The following PGLYRP1 variants were observed in gnomAD, a reference collection of about 807,000 sequenced individuals.
PGLYRP1 encodes peptidoglycan recognition protein 1.
A neutral mutation model predicts 16.3 loss-of-function variants in PGLYRP1; 18 were observed. The observed-to-expected ratio is 1.11, with a 90% CI of 0.77 to 1.64. PGLYRP1 has a LOEUF of 1.64. Ranked by LOEUF, PGLYRP1 falls within the 40% of genes most tolerant of loss-of-function variation. The pLI is 0.00. For synonymous variants in PGLYRP1, 89 were observed against 105.7 expected (o/e 0.84, Z 0.97); for missense variants, 261 against 268.6 (o/e 0.97, Z 0.20).
Position 46,019,300 on chromosome 19 carries a change from G to C in PGLYRP1, c.529C>G (p.Leu177Val). The C allele has an allele frequency of 6.2e-7, 1 of 1,613,948 alleles. No individual in the cohort carries two copies. The highest frequency in any genetic ancestry group is 8.5e-7 in the Non-Finnish European group (1 of 1,179,936). Residue 177 changes from leucine to valine, a missense_variant, in exon 3 of 3, where the codon CTC (leucine) becomes GTC (valine). Transcript: ENST00000008938. This position sits in a 1 kb window ranked among gnomAD's most constrained non-coding sequence, Gnocchi z 4.8. ...LKGHRDVQRT[L>V]SPGNQLYHLI... Reference sequence around the variant, plus strand: ...TGGTAGAGCTGGTTGCCTGGAGAGAGTGTACGCTGCACATCCCGGTGTCCT... The same window carrying C: ...TGGTAGAGCTGGTTGCCTGGAGAGACTGTACGCTGCACATCCCGGTGTCCT...
rs747569225 is a variant in PGLYRP1, at chr19:46,022,816, G to A, written c.206C>T (p.Thr69Ile). The A allele has an allele frequency of 7.4e-6, 12 of 1,613,902 alleles. No individual in the cohort carries two copies. Among genetic ancestry groups the A allele is most frequent in the Non-Finnish European group, 1.0e-5 (12 of 1,179,964 alleles). ...VSHTAGSSCN[T>I]PASCQQQARN... ...GGCCTGCTGCTGGCACGAGGCGGGG[G>A]TGTTGCAGCTGCTGCCCGCCGTGTG... Residue 69 changes from threonine (T) to isoleucine (I), a missense_variant, in exon 1 of 3, where the codon ACC becomes ATC. Coordinates refer to ENST00000008938, the MANE Select transcript of PGLYRP1 (RefSeq NM_005091.3).
At position 46,022,826 on chromosome 19, in the gene PGLYRP1, T is replaced by C; in HGVS notation, c.196A>G (p.Ser66Gly). 6.2e-7 allele frequency: 1 copy of C among 1,613,840 alleles called. No individual in the cohort carries two copies. Among genetic ancestry groups the C allele is most frequent in the Non-Finnish European group, 8.5e-7 (1 of 1,179,892 alleles). Residue 66 changes from serine to glycine, a missense_variant, in exon 1 of 3, where the codon AGC (serine) becomes GGC (glycine). By Grantham distance (56) the Ser-to-Gly change is moderately conservative. Transcript: ENST00000008938. ...TGGCACGAGGCGGGGGTGTTGCAGCTGCTGCCCGCCGTGTGCGATACCACC... is the reference window on the plus strand; with the variant it reads ...TGGCACGAGGCGGGGGTGTTGCAGCCGCTGCCCGCCGTGTGCGATACCACC... Reference protein sequence around the residue: ...YVVVSHTAGSSCNTPASCQQQ... With the variant: ...YVVVSHTAGSGCNTPASCQQQ...
rs1373952957 is a variant in PGLYRP1 at position 46,022,720 on chromosome 19, C to G, written c.287+15G>C. 17 of 1,613,642 alleles carry G rather than the reference C, an allele frequency of 1.1e-5. No homozygotes were observed. The Middle Eastern group carries it at 6.6e-4, about 62-fold the overall frequency. On this transcript the variant is annotated intron_variant, in intron 1 of 2. Coordinates refer to ENST00000008938, the MANE Select transcript of PGLYRP1 (RefSeq NM_005091.3). ...GGGATCCCCAGTCCAGCCCGTGCCC[C>G]CCTGCCACACTCACTTGTAGCCCAC...
chr19:46,022,522 TC>T (rs1381618343), intron 1 of PGLYRP1, among the ~76,000 whole-genome samples: 7 of 152,198 alleles, frequency 4.6e-5, no homozygotes, highest in Admixed American at 1.3e-4. Context: ...TTTCAGCCCA[TC>T]CCCCCTTCTC....
intron 1 of PGLYRP1, among the ~76,000 whole-genome samples, chr19:46,021,774 GCCCT>G (rs1969046927): frequency 6.6e-6 from 1 of 152,140 alleles, no homozygotes; most frequent in African/African-American, 2.4e-5. Flanking sequence ...GGTCCACAAA[GCCCT>G]GCCTGGTCCT....
Position 46,022,789 on chromosome 19 carries a change from C to T in PGLYRP1, c.233G>A (p.Arg78Gln), listed in dbSNP as rs1364126467. The change falls in exon 1 of 3, where the codon CGG becomes CAG. Residue 78 changes from arginine to glutamine, a missense_variant. Coordinates refer to ENST00000008938, the MANE Select transcript of PGLYRP1 (RefSeq NM_005091.3). ...NTPASCQQQA[R>Q]NVQHYHMKTL... Reference sequence around the variant, plus strand: ...CTTCATGTGGTAGTGCTGCACATTCCGGGCCTGCTGCTGGCACGAGGCGGG... The same window carrying T: ...CTTCATGTGGTAGTGCTGCACATTCTGGGCCTGCTGCTGGCACGAGGCGGG... 2.4e-5 allele frequency: 38 copies of T among 1,614,074 alleles called. No homozygotes were observed. The East Asian group carries it at 6.5e-4, about 27-fold the overall frequency.
chr19:46,022,921 A>G lies in PGLYRP1; in HGVS notation c.101T>C (p.Val34Ala). The G allele has an allele frequency of 6.2e-7, 1 of 1,611,658 alleles. No individual in the cohort carries two copies. Among genetic ancestry groups the G allele is most frequent in the Non-Finnish European group, 8.5e-7 (1 of 1,178,976 alleles). ...TEDPACCSPIVPRNEWKALAS... is the reference protein window; with the variant it reads ...TEDPACCSPIAPRNEWKALAS... ...CAGGGCCTTCCACTCGTTCCGGGGCACTATGGGGCTGCAGCAGGCCGGGTC... is the reference window on the plus strand; with the variant it reads ...CAGGGCCTTCCACTCGTTCCGGGGCGCTATGGGGCTGCAGCAGGCCGGGTC... Residue 34 changes from valine to alanine, a missense_variant, in exon 1 of 3, where the codon GTG (valine) becomes GCG (alanine). Transcript: ENST00000008938.
intron 1 of PGLYRP1, among the ~76,000 whole-genome samples, chr19:46,020,196 C>G (rs1969029750): frequency 6.6e-6 from 1 of 151,558 alleles, no homozygotes. Flanking sequence ...GCAACCTCTG[C>G]CTCCTGGGTT....
At chr19:46,020,658 A>G (rs1299500045) in intron 1 of PGLYRP1, among the ~76,000 whole-genome samples, 1 of 152,156 alleles carries the variant, frequency 6.6e-6, no homozygotes, top group Admixed American at 6.5e-5. Context: ...GCAGATCCTT[A>G]AGGCTGATTC....
chr19:46,022,903 T>C lies in PGLYRP1; in HGVS notation c.119A>G (p.Lys40Arg). The change falls in exon 1 of 3, where the codon AAG (lysine) becomes AGG (arginine). Residue 40 changes from lysine (K) to arginine (R), a missense_variant. Physicochemically the swap from Lys to Arg is conservative, Grantham distance 26. Transcript: ENST00000008938. Reference protein sequence around the residue: ...CSPIVPRNEWKALASECAQHL... With the variant: ...CSPIVPRNEWRALASECAQHL... ...CTGGGCGCACTCTGATGCCAGGGCC[T>C]TCCACTCGTTCCGGGGCACTATGGG... 1.2e-6 allele frequency: 2 copies of C among 1,612,682 alleles called. No homozygotes were observed. The highest frequency in any genetic ancestry group is 1.7e-5 in the Admixed American group (1 of 59,722).
chr19:46,020,845 G>C (rs1257705783), intron 1 of PGLYRP1, among the ~76,000 whole-genome samples: 3 of 152,256 alleles, frequency 2.0e-5, no homozygotes, highest in Non-Finnish European at 4.4e-5. Flanking sequence ...TAGGAAGCCA[G>C]CTCCCAGAAT....
In PGLYRP1 at chr19:46,023,015, G is replaced by T. The variant is rs771245601; in HGVS notation, c.7C>A (p.Arg3Ser). The change falls in exon 1 of 3, where the codon CGC becomes AGC. Residue 3 changes from arginine (R) to serine (S), a missense_variant. Arg to Ser is a moderately radical substitution (Grantham distance 110). Transcript: ENST00000008938. ...GCCCAGGCAAGCAGCATAGAGCGGCGGGACATAGTGGCAGGGCGGCAGGGT... is the reference window on the plus strand; with the variant it reads ...GCCCAGGCAAGCAGCATAGAGCGGCTGGACATAGTGGCAGGGCGGCAGGGT... The part of the protein sequence containing the change: MS[R>S]RSMLLAWALP... 6.5e-7 allele frequency: 1 copy of T among 1,540,816 alleles called. No homozygotes were observed. The highest frequency in any genetic ancestry group is 8.7e-7 in the Non-Finnish European group (1 of 1,142,904).
rs748963317 is a variant in PGLYRP1, at chr19:46,022,701, C to T, written c.287+34G>A. 28 of 1,611,408 alleles carry T rather than the reference C, an allele frequency of 1.7e-5. No individual in the cohort carries two copies. In the East Asian group the frequency reaches 5.6e-4, roughly 32 times the overall value. Reference sequence around the variant, plus strand: ...CTTGCACACCTTTGCCTCTGGGATCCCCAGTCCAGCCCGTGCCCCCCTGCC... The same window carrying T: ...CTTGCACACCTTTGCCTCTGGGATCTCCAGTCCAGCCCGTGCCCCCCTGCC... On this transcript the variant is annotated intron_variant, in intron 1 of 2. Coordinates refer to ENST00000008938, the MANE Select transcript of PGLYRP1 (RefSeq NM_005091.3).
rs764683985 is a variant in PGLYRP1, at chr19:46,019,447, C to T, written c.410-28G>A. On this transcript the variant is annotated intron_variant, in intron 2 of 2. Transcript: ENST00000008938. This position sits in a 1 kb window ranked among gnomAD's most constrained non-coding sequence, Gnocchi z 4.8. ...GGAGGAGGCAGAGGTAGGAGTCAGG[C>T]AGGGGCTTCCCCGAAGGGGAAGTGA... 5 of 1,612,236 alleles carry T rather than the reference C, an allele frequency of 3.1e-6. No individual in the cohort carries two copies. Among genetic ancestry groups the T allele is most frequent in the Admixed American group, 1.7e-5 (1 of 59,910 alleles).
chr19:46,019,360 C>T lies in PGLYRP1; in HGVS notation c.469G>A (p.Ala157Thr), dbSNP rs201694975. ...TAGTTGGACCTCAGGGCTCCCTGAG[C>T]CACACCGCAGGCCAGTAGACCCTGG... ...AAQGLLACGV[A>T]QGALRSNYVL... is the part of the protein sequence containing the mutation. Residue 157 changes from alanine to threonine, a missense_variant, in exon 3 of 3, where the codon GCT (alanine) becomes ACT (threonine). Physicochemically the swap from Ala to Thr is moderately conservative, Grantham distance 58. Coordinates refer to ENST00000008938, the MANE Select transcript of PGLYRP1 (RefSeq NM_005091.3). The surrounding 1 kb of genome is among the most constrained non-coding windows in gnomAD (Gnocchi z 4.8). 1.1e-4 allele frequency: 172 copies of T among 1,613,644 alleles called. No homozygotes were observed. Among genetic ancestry groups the T allele is most frequent in the Non-Finnish European group, 1.4e-4 (163 of 1,179,916 alleles).
rs371772251 is a variant in PGLYRP1 at position 46,022,883 on chromosome 19, C to T, written c.139G>A (p.Ala47Thr). Residue 47 changes from alanine to threonine, a missense_variant, in exon 1 of 3, where the codon GCC (alanine) becomes ACC (threonine). Coordinates refer to ENST00000008938, the MANE Select transcript of PGLYRP1 (RefSeq NM_005091.3). ...CGTAAGGGCAGGCTCAGGTGCTGGG[C>T]GCACTCTGATGCCAGGGCCTTCCAC... is the stretch of plus-strand genomic sequence containing the variant. ...NEWKALASEC[A>T]QHLSLPLRYV... 15 of 1,612,974 alleles carry T rather than the reference C, an allele frequency of 9.3e-6. No homozygotes were observed. In the African/African-American group the frequency reaches 9.3e-5, roughly 10 times the overall value.
intron 1 of PGLYRP1, among the ~76,000 whole-genome samples, chr19:46,022,310 G>A (rs1183685259): frequency 6.6e-6 from 1 of 152,182 alleles, no homozygotes; most frequent in Non-Finnish European, 1.5e-5. Context: ...GCTGAAGCCG[G>A]GAGGACCCGC....
chr19:46,020,351 T>C (rs1274088829), intron 1 of PGLYRP1, among the ~76,000 whole-genome samples: 1 of 152,130 alleles, frequency 6.6e-6, no homozygotes, highest in Non-Finnish European at 1.5e-5. Flanking sequence ...TCAGGTGATC[T>C]GCCCGCCTTT....
intron 1 of PGLYRP1, 22 bp downstream of exon 1, chr19:46,022,713 C>T (rs1384567522): frequency 4.3e-6 from 7 of 1,612,906 alleles, no homozygotes; most frequent in African/African-American, 2.7e-5. Context: ...CAGTCCAGCC[C>T]GTGCCCCCCT....
Sources: allele counts gnomAD v4.1 joint callset (sites outside exome capture counted in the v4.1 genomes callset), GRCh38; gene constraint gnomAD v4.1.1; non-coding constraint Gnocchi (gnomAD v3.1); transcripts MANE v1.5; gene names NCBI Gene and HGNC (gene_info 2026-07-23, HGNC 2026-07-21).